RGS6: variants seen among roughly 807,000 people sequenced by gnomAD.
RGS6 encodes regulator of G protein signaling 6.
RGS6 carries 30 observed loss-of-function variants against 78.5 expected under a neutral mutation model. The observed-to-expected ratio is 0.38, with a 90% confidence interval of 0.29 to 0.52. The LOEUF (loss-of-function observed/expected upper bound fraction) is 0.52, where lower values mean the gene tolerates loss of function less well. Among genes scored for constraint, RGS6 ranks in the 20% least tolerant of loss-of-function variants. The pLI is 0.85. For missense variants in RGS6, 495 were observed against 609.7 expected (o/e 0.81, Z 1.98); for synonymous variants, 206 against 206.0 (o/e 1.00, Z 0.00).
chr14:72,489,446 G>A (rs2096547092), intron 12 of RGS6, among the ~76,000 whole-genome samples: 1 of 152,188 alleles, frequency 6.6e-6, no homozygotes, highest in Admixed American at 6.5e-5. Flanking sequence ...CAAAAGATAG[G>A]TCCTAGGCCT....
chr14:72,526,173 G>A (rs2097114742), intron 15 of RGS6, among the ~76,000 whole-genome samples: 2 of 150,784 alleles, frequency 1.3e-5, no homozygotes, highest in African/African-American at 2.4e-5. Flanking sequence ...GCACAATCTC[G>A]GCTCACTGCA....
chr14:72,489,156 G>GCCCCCCCCCCCCC (rs35147203), intron 12 of RGS6, among the ~76,000 whole-genome samples: 2 of 142,000 alleles, frequency 1.4e-5, no homozygotes. Context: ...GACAAAGGGG[G>GCCCCCCCCCCCCC]CCCCCCCACC....
chr14:72,343,931 T>C (rs898166390), intron 2 of RGS6, among the ~76,000 whole-genome samples: 16 of 152,356 alleles, frequency 1.1e-4, no homozygotes, highest in Non-Finnish European at 1.2e-4. Flanking sequence ...AATATTTCAT[T>C]GGCCAGTATC....
At chr14:72,387,760 G>A (rs562780366) in intron 3 of RGS6, among the ~76,000 whole-genome samples, 2 of 152,266 alleles carry the variant, frequency 1.3e-5, no homozygotes, top group East Asian at 1.9e-4. Context: ...CAGCACTGCC[G>A]TAACAAGGTC....
In RGS6 at chr14:72,248,812, A is replaced by C. The variant is rs186772796; in HGVS notation, c.85-103283A>C. On this transcript the variant is annotated intron_variant, in intron 2 of 17. Transcript: ENST00000553525. ...CTGAATCAGATTCTGCATTTTAGTA[A>C]GATCACTAGGTAATTTTAACCTACA... Among the ~76,000 whole-genome samples the C allele has an allele frequency of 2.6e-4, 39 of 152,324 alleles. 1 individual carries two copies. In the East Asian group the frequency reaches 7.3e-3, roughly 29 times the overall value.
chr14:72,022,956 T>A (rs1404682550), intron 2 of RGS6, among the ~76,000 whole-genome samples: 1 of 152,208 alleles, frequency 6.6e-6, no homozygotes, highest in Non-Finnish European at 1.5e-5. Flanking sequence ...GAACTCACTC[T>A]TTCTTCATGC....
downstream of RGS6, among the ~76,000 whole-genome samples, chr14:72,571,443 C>A (rs1173924818): frequency 6.6e-6 from 1 of 152,046 alleles, no homozygotes; most frequent in Non-Finnish European, 1.5e-5. Flanking sequence ...CTACAGTAAT[C>A]AAGACAGGAC....
chr14:72,243,554 T>C (rs1479520607), intron 2 of RGS6, among the ~76,000 whole-genome samples: 1 of 152,148 alleles, frequency 6.6e-6, no homozygotes, highest in Non-Finnish European at 1.5e-5. Context: ...TTCCAACTCT[T>C]CCCACAGCCT....
intron 1 of RGS6, among the ~76,000 whole-genome samples, chr14:71,963,271 C>G (rs985317284): frequency 2.0e-5 from 3 of 152,230 alleles, no homozygotes; most frequent in African/African-American, 7.2e-5. Flanking sequence ...GAACTTCCTT[C>G]TTCACTCAAA....
At chr14:72,169,664 C>T (rs949654112) in intron 2 of RGS6, among the ~76,000 whole-genome samples, 3 of 152,186 alleles carry the variant, frequency 2.0e-5, no homozygotes, top group Admixed American at 1.3e-4. Flanking sequence ...CTCCTGGGCA[C>T]GTAGCTGGCC....
chr14:72,282,849 G>A (rs954574848), intron 2 of RGS6, among the ~76,000 whole-genome samples: 1 of 152,060 alleles, frequency 6.6e-6, no homozygotes, highest in African/African-American at 2.4e-5. Flanking sequence ...TAATTATAGG[G>A]ACTGTGTTGT....
At chr14:72,627,988 CT>C in the RGS6 span, among the ~76,000 whole-genome samples, 1 of 152,036 alleles carries the variant, frequency 6.6e-6, no homozygotes, top group South Asian at 2.1e-4. Context: ...AATCTGTTAC[CT>C]TTTATGTTTG....
At chr14:72,246,662 C>A (rs1180541142) in intron 2 of RGS6, among the ~76,000 whole-genome samples, 1 of 152,164 alleles carries the variant, frequency 6.6e-6, no homozygotes, top group Non-Finnish European at 1.5e-5. Context: ...GTAATCCCAG[C>A]ACTTTGAGAG....
chr14:72,505,450 C>T (rs1044414249), intron 13 of RGS6, among the ~76,000 whole-genome samples: 2 of 152,206 alleles, frequency 1.3e-5, no homozygotes, highest in Non-Finnish European at 2.9e-5. Context: ...ACCTAATCAC[C>T]TCCCAAATAT....
chr14:72,523,011 G>A (rs2097069585), intron 15 of RGS6, among the ~76,000 whole-genome samples: 1 of 152,238 alleles, frequency 6.6e-6, no homozygotes, highest in South Asian at 2.1e-4. Context: ...CGGAGCAGAG[G>A]TCAGCAGGTG....
chr14:71,919,786 G>C, the RGS6 span, among the ~76,000 whole-genome samples: 80 of 152,210 alleles, frequency 5.3e-4, no homozygotes, highest in African/African-American at 1.9e-3. Flanking sequence ...TTGAGGTCAG[G>C]AGTTTGAGAC....
At chr14:72,457,811 C>T (rs1275795812) in intron 4 of RGS6, among the ~76,000 whole-genome samples, 5 of 152,116 alleles carry the variant, frequency 3.3e-5, no homozygotes, top group Admixed American at 2.0e-4. Flanking sequence ...TATTGGGGAA[C>T]GCACTGGGAG....
intron 2 of RGS6, among the ~76,000 whole-genome samples, chr14:71,987,513 C>T (rs1375039537): frequency 6.6e-6 from 1 of 152,146 alleles, no homozygotes; most frequent in African/African-American, 2.4e-5. Flanking sequence ...GACTATTTGT[C>T]TCTAATTATT....
chr14:72,510,699 G>C (rs2096867936), intron 14 of RGS6, among the ~76,000 whole-genome samples: 1 of 152,240 alleles, frequency 6.6e-6, no homozygotes, highest in Admixed American at 6.5e-5. Context: ...GGAGAAGTCA[G>C]TGGGCTCATT....
Sources: allele counts gnomAD v4.1 joint callset (sites outside exome capture counted in the v4.1 genomes callset), GRCh38; gene constraint gnomAD v4.1.1; transcripts MANE v1.5; gene names NCBI Gene and HGNC (gene_info 2026-07-23, HGNC 2026-07-21).